The following ANKRD28 variants were observed in gnomAD, a reference collection of about 807,000 sequenced individuals.
The protein encoded by ANKRD28 is ankyrin repeat domain 28.
In ANKRD28, 44 loss-of-function variants were observed where a neutral mutation model predicts 126.5. That is an observed-to-expected ratio of 0.35 (90% CI 0.27 to 0.45). The LOEUF (loss-of-function observed/expected upper bound fraction) is 0.45. ANKRD28 is among the 20% of genes least tolerant of loss of function. The probability of loss-of-function intolerance (pLI) is 1.00; values close to 1 mark genes in which losing one functional copy is unlikely to be tolerated. For missense variants in ANKRD28, 1,110 were observed against 1,316.6 expected (o/e 0.84, Z 2.43); for synonymous variants, 442 against 468.5 (o/e 0.94, Z 0.73).
chr3:15,808,652 C>A (rs1339778059), intron 1 of ANKRD28, among the ~76,000 whole-genome samples: 1 of 152,188 alleles, frequency 6.6e-6, no homozygotes, highest in Non-Finnish European at 1.5e-5. Context: ...ATAGACCTTA[C>A]TTTTTCAATT....
At chr3:15,794,485 G>A (rs889520993) in intron 2 of ANKRD28, among the ~76,000 whole-genome samples, 2 of 152,050 alleles carry the variant, frequency 1.3e-5, no homozygotes, top group African/African-American at 4.8e-5. Context: ...GGGTACATTT[G>A]TTTCTGGTAA....
intron 3 of ANKRD28, among the ~76,000 whole-genome samples, chr3:15,756,792 C>T (rs997647388): frequency 1.3e-5 from 2 of 152,136 alleles, no homozygotes; most frequent in Non-Finnish European, 2.9e-5. Context: ...ACTCTTTCTG[C>T]GAAGTTCTAC....
intron 7 of ANKRD28, 96 bp from the exon 8 acceptor site, chr3:15,721,223 T>A: frequency 1.0e-6 from 1 of 1,001,400 alleles, no homozygotes; most frequent in Non-Finnish European, 1.5e-6. Context: ...ATCAAATTAC[T>A]AAAGTGAGAA....
At chr3:15,686,184 G>A (rs759935767) in intron 19 of ANKRD28, 38 bp downstream of exon 19, 12 of 1,588,346 alleles carry the variant, frequency 7.6e-6, no homozygotes, top group Admixed American at 7.1e-5. Context: ...TTCGAAATAC[G>A]CCCTTCTGTG....
At chr3:15,695,466 T>C (rs554853102) in intron 15 of ANKRD28, among the ~76,000 whole-genome samples, 2 of 152,316 alleles carry the variant, frequency 1.3e-5, no homozygotes, top group African/African-American at 4.8e-5. Context: ...CTAAGTGCTA[T>C]ATTAAATTGT....
chr3:15,809,545 T>C (rs2060663541), intron 1 of ANKRD28, among the ~76,000 whole-genome samples: 1 of 152,152 alleles, frequency 6.6e-6, no homozygotes, highest in Admixed American at 6.5e-5. Flanking sequence ...AAAAATACTC[T>C]CTTTTCTTTC....
At chr3:15,777,451 A>G (rs1283446259) in intron 2 of ANKRD28, among the ~76,000 whole-genome samples, 1 of 152,104 alleles carries the variant, frequency 6.6e-6, no homozygotes, top group African/African-American at 2.4e-5. Flanking sequence ...GGTGTGGGGG[A>G]AGTAATCTAG....
chr3:15,716,511 T>C (rs2073069771), intron 8 of ANKRD28, among the ~76,000 whole-genome samples: 1 of 152,020 alleles, frequency 6.6e-6, no homozygotes, highest in South Asian at 2.1e-4. Flanking sequence ...TTTGAACTCT[T>C]GGGCTCATGT....
At chr3:15,856,327 G>T (rs144695686) in intron 1 of ANKRD28, among the ~76,000 whole-genome samples, 120 of 152,266 alleles carry the variant, frequency 7.9e-4, no homozygotes, top group African/African-American at 2.8e-3. Context: ...AAACACTGAA[G>T]CCCAATGTCA....
intron 1 of ANKRD28, among the ~76,000 whole-genome samples, chr3:15,826,421 CATTAATTTAAAATTTTAG>C (rs1373816585): frequency 6.6e-6 from 1 of 151,870 alleles, no homozygotes; most frequent in Non-Finnish European, 1.5e-5. Flanking sequence ...TAAAGCATAC[CATTAATTTAAAATTTTAG>C]AAAACATAAC....
At chr3:15,756,793 G>A (rs756186826) in intron 3 of ANKRD28, among the ~76,000 whole-genome samples, 10 of 152,148 alleles carry the variant, frequency 6.6e-5, no homozygotes, top group African/African-American at 1.9e-4. Context: ...CTCTTTCTGC[G>A]AAGTTCTACA....
chr3:15,820,199 G>C (rs112164261), intron 1 of ANKRD28, among the ~76,000 whole-genome samples: 3 of 152,050 alleles, frequency 2.0e-5, no homozygotes, highest in African/African-American at 7.2e-5. Flanking sequence ...AATAATGTAC[G>C]TATGTTTATC....
intron 1 of ANKRD28, among the ~76,000 whole-genome samples, chr3:15,809,059 C>T (rs543739018): frequency 4.1e-4 from 62 of 151,686 alleles, no homozygotes; most frequent in African/African-American, 1.5e-3. Context: ...TACTTATCAT[C>T]TGCAGTCCAC....
At chr3:15,752,265 T>C (rs535491070) in intron 3 of ANKRD28, among the ~76,000 whole-genome samples, 6 of 152,256 alleles carry the variant, frequency 3.9e-5, no homozygotes, top group Admixed American at 6.5e-5. Context: ...AACATCAAAA[T>C]AGTTCTCCAG....
chr3:15,798,947 G>A (rs1559553710), upstream of ANKRD28, among the ~76,000 whole-genome samples: 1 of 152,040 alleles, frequency 6.6e-6, no homozygotes, highest in Non-Finnish European at 1.5e-5. Flanking sequence ...GCTATGTGCT[G>A]TACATTCTCA....
At chr3:15,699,450 C>A (rs1442447993) in intron 14 of ANKRD28, among the ~76,000 whole-genome samples, 6 of 152,084 alleles carry the variant, frequency 3.9e-5, no homozygotes, top group Non-Finnish European at 8.8e-5. Flanking sequence ...TCAGAGTGAA[C>A]AGGCAATCTA....
chr3:15,837,483 T>C (rs945799044), intron 1 of ANKRD28, among the ~76,000 whole-genome samples: 3 of 151,988 alleles, frequency 2.0e-5, no homozygotes, highest in Non-Finnish European at 4.4e-5. Context: ...AAATCAAAGA[T>C]AAAAAGAAAT....
rs1455160424 is a variant in ANKRD28, at chr3:15,676,722, TTAGG to T, written c.2873+248_2873+251del. The stretch of plus-strand genomic sequence containing the variant: ...AATAGTACTACTTTCCTTCAGAAAA[TTAGG>T]TAGGTGGATTAAGGAAAAAAATACA... On this transcript the variant is annotated intron_variant, in intron 26 of 27. Transcript: ENST00000683139. 6.2e-5 allele frequency: 20 copies of T among 324,422 alleles called. No individual in the cohort carries two copies. In the East Asian group the frequency reaches 1.1e-3, roughly 18 times the overall value. 20.1% of individuals were successfully genotyped at this position (324,422 alleles called of 1,614,324 possible). A position where few individuals can be genotyped will look rare whatever the true frequency, so the allele number is the denominator to read the frequency against.
chr3:15,859,580 C>CCCG (rs564654804), exon 1 of ANKRD28: 48,524 of 228,022 alleles, frequency 0.21, 7,658 homozygotes, highest in East Asian at 0.47. Flanking sequence ...TCCCCGGCCG[C>CCCG]CCGCCGCCGC....
Sources: allele counts gnomAD v4.1 joint callset (sites outside exome capture counted in the v4.1 genomes callset), GRCh38; gene constraint gnomAD v4.1.1; transcripts MANE v1.5; gene names NCBI Gene and HGNC (gene_info 2026-07-23, HGNC 2026-07-21).